CLUAP1: variants seen among roughly 807,000 people sequenced by gnomAD.
CLUAP1 encodes the protein clusterin-associated protein 1.
A neutral mutation model predicts 55.0 loss-of-function variants in CLUAP1; 50 were observed. The observed-to-expected ratio is 0.91, with a 90% confidence interval of 0.72 to 1.15. CLUAP1 has a LOEUF of 1.15. Among genes scored for constraint, CLUAP1 ranks in the 50% most tolerant of loss-of-function variants. CLUAP1 has a pLI of 0.00. For missense variants in CLUAP1, 530 were observed against 507.6 expected (o/e 1.04, Z -0.42); for synonymous variants, 195 against 175.4 (o/e 1.11, Z -0.88).
intron 7 of CLUAP1, 34 bp from the exon 8 acceptor site, chr16:3,523,124 C>T (rs2037872952): frequency 6.3e-7 from 1 of 1,575,780 alleles, no homozygotes; most frequent in Middle Eastern, 1.8e-4. Flanking sequence ...GCATATAATT[C>T]ACCTTTCCTT....
intron 8 of CLUAP1, 108 bp downstream of exon 8, chr16:3,523,407 T>A: frequency 7.7e-7 from 1 of 1,300,730 alleles, no homozygotes; most frequent in Non-Finnish European, 1.0e-6. Flanking sequence ...CAGTACATGT[T>A]TTTTCTCCCT....
intron 7 of CLUAP1, among the ~76,000 whole-genome samples, chr16:3,521,652 C>A (rs1039808461): frequency 1.3e-5 from 2 of 152,078 alleles, no homozygotes; most frequent in East Asian, 1.9e-4. Context: ...CCAGGCTGGT[C>A]TTGAACTCCT....
chr16:3,511,648 G>C (rs2037627473), intron 4 of CLUAP1, among the ~76,000 whole-genome samples: 1 of 152,192 alleles, frequency 6.6e-6, no homozygotes, highest in Non-Finnish European at 1.5e-5. Flanking sequence ...AGTCCAAGTA[G>C]GAAGCACGTC....
At position 3,536,372 on chromosome 16, in the gene CLUAP1, T is replaced by C. The variant is rs2038232596; in HGVS notation, c.*101T>C. On this transcript the variant is annotated 3_prime_UTR_variant, in exon 12 of 12. Transcript: ENST00000576634. ...GTAACCCCTGTTTTGTTTACTAAGC[T>C]GGCTGGACTCATGATCACTGAAGCA... is the stretch of plus-strand genomic sequence containing the variant. 1 of 1,281,354 alleles carries C rather than the reference T, an allele frequency of 7.8e-7. No individual in the cohort carries two copies. Among genetic ancestry groups the C allele is most frequent in the African/African-American group, 1.5e-5 (1 of 67,348 alleles). 79.4% of individuals were successfully genotyped at this position (1,281,354 alleles called of 1,614,324 possible).
intron 1 of CLUAP1, 67 bp downstream of exon 1, chr16:3,501,156 TC>T: frequency 6.7e-7 from 1 of 1,493,136 alleles, no homozygotes; most frequent in Non-Finnish European, 9.0e-7. Flanking sequence ...GCCCGCCGGG[TC>T]CCCTGTGTAG....
chr16:3,519,091 C>T (rs1187958556), intron 6 of CLUAP1, among the ~76,000 whole-genome samples: 1 of 152,200 alleles, frequency 6.6e-6, no homozygotes, highest in Non-Finnish European at 1.5e-5. Context: ...TGTGATCCAG[C>T]CAGCCACCGG....
rs1398777105 is a variant in CLUAP1 at position 3,522,663 on chromosome 16, A to G, written c.714-495A>G. On this transcript the variant is annotated intron_variant, in intron 7 of 11. Transcript: ENST00000576634. ...AACTCCAGGGCTCAATCCTCCTCCT[A>G]CTTCAGCCTCCCAAAGTGCTAGGGT... 5.3e-5 allele frequency among the ~76,000 whole-genome samples: 8 copies of G among 151,858 alleles called. No individual in the cohort carries two copies. In the East Asian group the frequency reaches 1.5e-3, roughly 29 times the overall value.
At chr16:3,496,086 A>T (rs911170212), upstream of CLUAP1, 4 of 341,186 alleles carry the variant, frequency 1.2e-5, no homozygotes, top group African/African-American at 8.7e-5. Flanking sequence ...GCTTGCAGTG[A>T]GCCCAGATCG....
chr16:3,515,400 G>A, intron 5 of CLUAP1, 108 bp from the exon 6 acceptor site: 1 of 718,238 alleles, frequency 1.4e-6, no homozygotes. Flanking sequence ...GATCCACATG[G>A]CAATAAACTT....
chr16:3,530,556 T>C lies in CLUAP1; in HGVS notation c.929-12T>C. The C allele has an allele frequency of 6.2e-7, 1 of 1,607,362 alleles. No individual in the cohort carries two copies. The highest frequency in any genetic ancestry group is 8.5e-7 in the Non-Finnish European group (1 of 1,174,054). ...GCCACTCCTTTGTTTTGCCTGCTTG[T>C]GTTCCTGCTAGGTAACGATGACTCG... On this transcript the variant is annotated splice_polypyrimidine_tract_variant and intron_variant, in intron 9 of 11. Coordinates refer to ENST00000576634, the MANE Select transcript of CLUAP1 (RefSeq NM_015041.3).
intron 4 of CLUAP1, 43 bp from the exon 5 acceptor site, chr16:3,512,340 A>T (rs374962888): frequency 1.3e-5 from 20 of 1,484,640 alleles, no homozygotes; most frequent in Middle Eastern, 1.7e-4. Context: ...CTATTAAAAA[A>T]CATCTGTTGC....
intron 5 of CLUAP1, among the ~76,000 whole-genome samples, chr16:3,513,987 A>G (rs1289941697): frequency 2.0e-5 from 3 of 152,210 alleles, no homozygotes; most frequent in Non-Finnish European, 4.4e-5. Context: ...TCTGCTCATC[A>G]TATATTGACC....
At chr16:3,528,274 A>G (rs2037986015) in intron 9 of CLUAP1, among the ~76,000 whole-genome samples, 1 of 152,108 alleles carries the variant, frequency 6.6e-6, no homozygotes, top group African/African-American at 2.4e-5. Context: ...TGAGGGCAGC[A>G]TACTTGAGGC....
At chr16:3,495,531 T>A in the CLUAP1 span, 1 of 1,530,432 alleles carries the variant, frequency 6.5e-7, no homozygotes, top group Non-Finnish European at 8.8e-7. Flanking sequence ...CTGGTTCTTA[T>A]GACATCACGG....
At chr16:3,526,602 GTTT>G in intron 9 of CLUAP1, 118 bp downstream of exon 9, 1 of 368,682 alleles carries the variant, frequency 2.7e-6, no homozygotes. Flanking sequence ...TTTTTCAGCA[GTTT>G]TTTTTTTACT....
chr16:3,514,162 G>A (rs1404365017), intron 5 of CLUAP1, among the ~76,000 whole-genome samples: 3 of 152,230 alleles, frequency 2.0e-5, no homozygotes, highest in Non-Finnish European at 4.4e-5. Flanking sequence ...CTCAGAGACA[G>A]GAGCTGGCCA....
chr16:3,506,638 G>A (rs1215479059), intron 3 of CLUAP1, among the ~76,000 whole-genome samples: 2 of 151,876 alleles, frequency 1.3e-5, no homozygotes, highest in East Asian at 3.9e-4. Flanking sequence ...GAGTAGCTAG[G>A]ATTAGAGGCA....
chr16:3,519,921 A>T lies in CLUAP1; in HGVS notation c.598A>T (p.Lys200Ter). The change falls in exon 7 of 12, where the codon AAA (lysine) becomes TAA (stop). Residue 200 changes from lysine (K) to a stop codon, truncating the protein, a stop_gained. Coordinates refer to ENST00000576634, the MANE Select transcript of CLUAP1 (RefSeq NM_015041.3). LOFTEE classifies it high-confidence loss of function. ...KEILTQVQKT[K>*]DLLNNVASDE... ...AATATAGACACAGGTTCAGAAGACT[A>T]AAGACCTGCTCAATAATGTGGCCTC... is the stretch of plus-strand genomic sequence containing the variant. 6.2e-7 allele frequency: 1 copy of T among 1,608,406 alleles called. No homozygotes were observed. Among genetic ancestry groups the T allele is most frequent in the African/African-American group, 1.3e-5 (1 of 74,460 alleles).
intron 1 of CLUAP1, 146 bp downstream of exon 1, chr16:3,501,235 C>A: frequency 1.2e-6 from 1 of 806,984 alleles, no homozygotes. Flanking sequence ...CCGCCTGACC[C>A]GCGGCTGCAA....
Sources: gnomAD v4.1 joint callset for allele counts (sites outside exome capture counted in the v4.1 genomes callset) on GRCh38, gnomAD v4.1.1 for gene constraint, MANE v1.5 for transcripts, NCBI Gene and HGNC (gene_info 2026-07-23, HGNC 2026-07-21) for gene names.